MAP3K8: variants seen among roughly 807,000 people sequenced by gnomAD.
MAP3K8 encodes the protein Ewing sarcoma transformant.
MAP3K8 carries 22 observed loss-of-function variants against 45.8 expected under a neutral mutation model. The ratio of observed to expected loss-of-function variants is 0.48; its 90% CI spans 0.34 to 0.69. MAP3K8 has a LOEUF of 0.69. MAP3K8 is among the 30% of genes least tolerant of loss of function. MAP3K8 has a pLI of 0.01. For missense variants in MAP3K8, 419 were observed against 585.0 expected (o/e 0.72, Z 2.93); for synonymous variants, 223 against 214.3 (o/e 1.04, Z -0.36).
chr10:30,442,267 C>T (rs550770162), intron 3 of MAP3K8, among the ~76,000 whole-genome samples: 9 of 152,178 alleles, frequency 5.9e-5, no homozygotes, highest in Admixed American at 2.0e-4. Context: ...CTTTACATAG[C>T]CATGAGTGTG....
Position 30,434,342 on chromosome 10 carries a change from G to A in MAP3K8, c.-291G>A, listed in dbSNP as rs1370669292. The A allele has an allele frequency of 1.5e-5, 9 of 597,160 alleles. No homozygotes were observed. Among genetic ancestry groups the A allele is most frequent in the Non-Finnish European group, 1.9e-5 (9 of 474,876 alleles). The allele number at this position is 597,160 out of a possible 1,614,324, so 37.0% of individuals were successfully genotyped here. ...ACCGAACCTTCGGGGGGCCGCGGCT[G>A]GAGCGCTCGGCCGGCGTGGGAGCGC... On this transcript the variant is annotated 5_prime_UTR_variant, in exon 1 of 9. Coordinates refer to ENST00000263056, the MANE Select transcript of MAP3K8 (RefSeq NM_005204.4).
At chr10:30,444,756 A>AT (rs1836253622) in intron 3 of MAP3K8, among the ~76,000 whole-genome samples, 1 of 152,192 alleles carries the variant, frequency 6.6e-6, no homozygotes, top group Non-Finnish European at 1.5e-5. Flanking sequence ...TAACTGAGTT[A>AT]TTTTTATAAC....
At chr10:30,456,737 C>T (rs1210474897) in intron 6 of MAP3K8, among the ~76,000 whole-genome samples, 1 of 152,152 alleles carries the variant, frequency 6.6e-6, no homozygotes, top group Non-Finnish European at 1.5e-5. Flanking sequence ...TGGGGGGTCT[C>T]CATCTTGTCC....
rs1345357129 is a variant in MAP3K8 at position 30,461,742 on chromosome 10, A to T, written c.*906A>T. The T allele has an allele frequency of 5.4e-6, 1 of 184,412 alleles. No homozygotes were observed. Among genetic ancestry groups the T allele is most frequent in the Admixed American group, 6.2e-5 (1 of 16,032 alleles). The allele number at this position is 184,412 out of a possible 1,614,324, so 11.4% of individuals were successfully genotyped here. On this transcript the variant is annotated 3_prime_UTR_variant, in exon 9 of 9. Transcript: ENST00000263056. ...GTAAAGTATGTGAGTAGTCTTATGT[A>T]AAGTATGTTTTTACATTATGCAAAT... is the stretch of plus-strand genomic sequence containing the variant.
chr10:30,448,418 TTATTATTATTATTA>T (rs1836419204), intron 4 of MAP3K8, among the ~76,000 whole-genome samples: 1 of 148,080 alleles, frequency 6.8e-6, no homozygotes, highest in Non-Finnish European at 1.5e-5. Flanking sequence ...CCCAAATTTA[TTATTATTATTATTA>T]TTATTATTAT....
intron 1 of MAP3K8, 136 bp downstream of exon 1, chr10:30,434,514 C>T (rs1299237582): frequency 9.1e-6 from 9 of 985,642 alleles, no homozygotes; most frequent in African/African-American, 8.7e-5. Context: ...TGGGGGCGTG[C>T]CCACAGCTGC....
chr10:30,438,891 T>C (rs1835999754), intron 2 of MAP3K8, 25 bp from the exon 3 acceptor site: 1 of 1,278,852 alleles, frequency 7.8e-7, no homozygotes, highest in Non-Finnish European at 1.1e-6. Flanking sequence ...TATCGTAAAC[T>C]AAATATTTGT....
intron 4 of MAP3K8, among the ~76,000 whole-genome samples, chr10:30,448,211 A>G (rs1431452014): frequency 6.6e-6 from 1 of 152,024 alleles, no homozygotes; most frequent in Non-Finnish European, 1.5e-5. Flanking sequence ...GATTTGGATA[A>G]ATAACATCAT....
At chr10:30,442,343 G>A (rs991218645) in intron 3 of MAP3K8, among the ~76,000 whole-genome samples, 3 of 152,260 alleles carry the variant, frequency 2.0e-5, no homozygotes, top group African/African-American at 7.2e-5. Context: ...GAGGTCTGAA[G>A]TGTTGAGTTG....
chr10:30,448,216 C>T (rs1327946674), intron 4 of MAP3K8, among the ~76,000 whole-genome samples: 2 of 152,034 alleles, frequency 1.3e-5, no homozygotes, highest in Admixed American at 6.6e-5. Context: ...GGATAAATAA[C>T]ATCATCACTC....
At chr10:30,457,932 C>G in intron 6 of MAP3K8, 152 bp from the exon 7 acceptor site, 2 of 569,868 alleles carry the variant, frequency 3.5e-6, no homozygotes, top group South Asian at 7.7e-5. Flanking sequence ...ACTGCAGGGA[C>G]ACCTCCAGCA....
At chr10:30,446,712 A>G (rs891610460) in intron 3 of MAP3K8, among the ~76,000 whole-genome samples, 2 of 151,960 alleles carry the variant, frequency 1.3e-5, no homozygotes, top group Middle Eastern at 3.2e-3. Flanking sequence ...ATGAACTACC[A>G]TATTATTTTG....
intron 6 of MAP3K8, among the ~76,000 whole-genome samples, chr10:30,454,987 A>G (rs902689934): frequency 6.6e-6 from 1 of 152,160 alleles, no homozygotes; most frequent in African/African-American, 2.4e-5. Flanking sequence ...CTTCCTGGCA[A>G]TGTGGTGAAG....
chr10:30,452,386 C>G (rs1262213779), intron 6 of MAP3K8, among the ~76,000 whole-genome samples: 3 of 151,822 alleles, frequency 2.0e-5, no homozygotes, highest in Non-Finnish European at 4.4e-5. Context: ...GGAGAATCAT[C>G]TGAACTCAGG....
At chr10:30,440,598 G>A (rs781644393) in intron 3 of MAP3K8, among the ~76,000 whole-genome samples, 1 of 151,894 alleles carries the variant, frequency 6.6e-6, no homozygotes, top group Admixed American at 6.6e-5. Flanking sequence ...TTTAATAGTC[G>A]ACTAAGTACT....
At chr10:30,440,221 G>A (rs1043954042) in intron 3 of MAP3K8, among the ~76,000 whole-genome samples, 7 of 152,226 alleles carry the variant, frequency 4.6e-5, no homozygotes, top group South Asian at 2.1e-4. Flanking sequence ...AGAGGTGAAC[G>A]TAGGTGCTGG....
At chr10:30,434,890 G>A (rs1835864628) in intron 1 of MAP3K8, 1 of 569,984 alleles carries the variant, frequency 1.8e-6, no homozygotes, top group African/African-American at 2.0e-5. Context: ...CCAGAGACTT[G>A]TGAATGGCTG....
chr10:30,441,610 T>C (rs1222152778), intron 3 of MAP3K8, among the ~76,000 whole-genome samples: 1 of 152,140 alleles, frequency 6.6e-6, no homozygotes, highest in East Asian at 1.9e-4. Flanking sequence ...TTAAAATCTA[T>C]TGGATCTTAG....
chr10:30,456,082 G>T lies in MAP3K8; in HGVS notation c.874-2002G>T, dbSNP rs571914667. Among the ~76,000 whole-genome samples, 3 of 152,336 alleles carry T rather than the reference G, an allele frequency of 2.0e-5. No homozygotes were observed. In the East Asian group the frequency reaches 5.8e-4, roughly 29 times the overall value. On this transcript the variant is annotated intron_variant, in intron 6 of 8. Transcript: ENST00000263056. ...CCCCTGTGGGCTACACCAGCAGTGGGCACTCCGCCCAATCCTTGCTTTATT... is the reference window on the plus strand; with the variant it reads ...CCCCTGTGGGCTACACCAGCAGTGGTCACTCCGCCCAATCCTTGCTTTATT...
Sources: gnomAD v4.1 joint callset for allele counts (sites outside exome capture counted in the v4.1 genomes callset) on GRCh38, gnomAD v4.1.1 for gene constraint, MANE v1.5 for transcripts, NCBI Gene and HGNC (gene_info 2026-07-23, HGNC 2026-07-21) for gene names.